Variants in DACH2 observed in about 807,000 individuals in gnomAD.
DACH2 encodes dachshund homolog 2.
A neutral mutation model predicts 35.8 loss-of-function variants in DACH2; 17 were observed. The ratio of observed to expected loss-of-function variants is 0.48; its 90% CI spans 0.33 to 0.71. The LOEUF (loss-of-function observed/expected upper bound fraction) is 0.71, where lower values mean the gene tolerates loss of function less well. DACH2 is among the 30% of genes least tolerant of loss of function. The pLI is 0.02. For synonymous variants in DACH2, 195 were observed against 177.3 expected, an observed-to-expected ratio of 1.10 and a Z score of -0.79; for missense variants, 469 against 472.7, an observed-to-expected ratio of 0.99 and a Z score of 0.07.
chrX:86,340,406 C>T (rs1447809187), intron 1 of DACH2, among the ~76,000 whole-genome samples: 3 of 111,313 alleles, frequency 2.7e-5, no homozygotes. Flanking sequence ...CACCACAAAC[C>T]ACAGCAGTGT....
At chrX:86,788,979 C>T (rs2147320132) in intron 7 of DACH2, among the ~76,000 whole-genome samples, 1 of 111,409 alleles carries the variant, frequency 9.0e-6, no homozygotes, top group East Asian at 2.8e-4. Flanking sequence ...GTTAGCTTTC[C>T]ACTTTTTGAG....
chrX:86,796,476 T>G (rs181823212), intron 7 of DACH2, among the ~76,000 whole-genome samples: 1 of 112,360 alleles, frequency 8.9e-6, no homozygotes, highest in African/African-American at 3.2e-5. Flanking sequence ...GTTATAATGT[T>G]GATTTTTAAA....
At chrX:86,269,442 C>T (rs1052432974) in intron 1 of DACH2, among the ~76,000 whole-genome samples, 20 of 111,944 alleles carry the variant, frequency 1.8e-4, no homozygotes, top group African/African-American at 5.8e-4. Flanking sequence ...TTGCTGAAAG[C>T]GCTTTGGCCT....
At chrX:86,825,239 AT>A (rs1346590799) in intron 11 of DACH2, among the ~76,000 whole-genome samples, 1 of 110,565 alleles carries the variant, frequency 9.0e-6, no homozygotes, top group African/African-American at 3.3e-5. Context: ...ACATGGAGAA[AT>A]TTTTAGTCTC....
At chrX:86,637,206 CAAAAAAAAAAAAAAAAAAAAAAAAAAAA>C (rs772970002) in intron 3 of DACH2, among the ~76,000 whole-genome samples, 25 of 7,756 alleles carry the variant, frequency 3.2e-3, no homozygotes, top group African/African-American at 9.0e-3. Context: ...ACTGAAAAGC[CAAAAAAAAAAAAAAAAAAAAAAAAAAAA>C]AAAAAAAAAA....
intron 1 of DACH2, among the ~76,000 whole-genome samples, chrX:86,250,267 G>T (rs1198970543): frequency 9.0e-6 from 1 of 111,443 alleles, no homozygotes. Flanking sequence ...TCCCATCCTT[G>T]GCCAAGGAAT....
intron 3 of DACH2, among the ~76,000 whole-genome samples, chrX:86,539,127 G>A (rs776040541): frequency 2.7e-5 from 3 of 111,035 alleles, no homozygotes; most frequent in East Asian, 5.8e-4. Flanking sequence ...GACCCGGCTG[G>A]AGATGATTAG....
chrX:86,546,393 T>TTCTTCTTCC, intron 3 of DACH2, among the ~76,000 whole-genome samples: 1 of 73,285 alleles, frequency 1.4e-5, no homozygotes, highest in South Asian at 5.8e-4. Flanking sequence ...CTTCTTCTTC[T>TTCTTCTTCC]TCTTCTTCTT....
At chrX:86,578,203 G>A (rs923064429) in intron 3 of DACH2, among the ~76,000 whole-genome samples, 7 of 111,030 alleles carry the variant, frequency 6.3e-5, no homozygotes, top group Non-Finnish European at 1.1e-4. Flanking sequence ...TAAATTGGAG[G>A]AAATTCAGCT....
intron 2 of DACH2, among the ~76,000 whole-genome samples, chrX:86,491,739 T>C (rs906019827): frequency 2.7e-5 from 3 of 111,734 alleles, no homozygotes; most frequent in Non-Finnish European, 5.7e-5. Flanking sequence ...ACAGTCGGGA[T>C]GCGACAGTTG....
At chrX:86,223,810 G>A (rs747465442) in intron 1 of DACH2, among the ~76,000 whole-genome samples, 5 of 112,133 alleles carry the variant, frequency 4.5e-5, no homozygotes, top group Non-Finnish European at 9.4e-5. Flanking sequence ...AGCCTTTGCT[G>A]TTCATTTGAC....
At chrX:86,747,181 T>C (rs1192617190) in intron 7 of DACH2, among the ~76,000 whole-genome samples, 1 of 111,820 alleles carries the variant, frequency 8.9e-6, no homozygotes, top group Non-Finnish European at 1.9e-5. Flanking sequence ...ATCCTTTGTG[T>C]TTCTATGAGA....
At chrX:86,364,928 G>A (rs954421289) in intron 1 of DACH2, among the ~76,000 whole-genome samples, 1 of 111,031 alleles carries the variant, frequency 9.0e-6, no homozygotes, top group African/African-American at 3.3e-5. Flanking sequence ...AGAGAGTTAC[G>A]GGAGTAACCT....
At chrX:86,741,049 C>T (rs968172590) in intron 7 of DACH2, among the ~76,000 whole-genome samples, 1 of 111,612 alleles carries the variant, frequency 9.0e-6, no homozygotes, top group Admixed American at 9.6e-5. Flanking sequence ...GTACCCATTT[C>T]CTTTCAGGAA....
intron 3 of DACH2, among the ~76,000 whole-genome samples, chrX:86,626,375 C>T (rs2040137419): frequency 8.9e-6 from 1 of 112,764 alleles, no homozygotes; most frequent in African/African-American, 3.2e-5. Flanking sequence ...CTCCTGGCTA[C>T]TTTCATGGGC....
intron 7 of DACH2, among the ~76,000 whole-genome samples, chrX:86,797,449 G>A (rs777383588): frequency 2.7e-5 from 3 of 110,663 alleles, no homozygotes; most frequent in African/African-American, 9.8e-5. Flanking sequence ...AAGCACTTAT[G>A]ATAGAAAAAT....
chrX:86,696,887 C>T (rs1310658237), intron 5 of DACH2, among the ~76,000 whole-genome samples: 3 of 111,488 alleles, frequency 2.7e-5, no homozygotes, highest in South Asian at 3.8e-4. Flanking sequence ...AAAGTAACAA[C>T]TTTGAAACAT....
intron 2 of DACH2, among the ~76,000 whole-genome samples, chrX:86,385,484 C>T (rs2036110137): frequency 9.0e-6 from 1 of 111,191 alleles, no homozygotes; most frequent in African/African-American, 3.3e-5. Flanking sequence ...AATAAAGATT[C>T]AGTATACAAC....
At chrX:86,808,605 G>A (rs1196177912) in intron 7 of DACH2, among the ~76,000 whole-genome samples, 4 of 106,586 alleles carry the variant, frequency 3.8e-5, no homozygotes, top group Admixed American at 3.0e-4. Flanking sequence ...GAGGGAAGCA[G>A]GTGTCTCACT....
Sources: allele counts gnomAD v4.1 joint callset (sites outside exome capture counted in the v4.1 genomes callset), GRCh38; gene constraint gnomAD v4.1.1; transcripts MANE v1.5; gene names NCBI Gene and HGNC (gene_info 2026-07-23, HGNC 2026-07-21).